TRPC1: variants seen among roughly 807,000 people sequenced by gnomAD.
TRPC1 encodes transient receptor potential cation channel subfamily C member 1, also known as short transient receptor potential channel 1.
A neutral mutation model predicts 88.2 loss-of-function variants in TRPC1; 42 were observed. The ratio of observed to expected loss-of-function variants is 0.48; its 90% CI spans 0.37 to 0.62. The LOEUF (loss-of-function observed/expected upper bound fraction) is 0.62, where lower values mean the gene tolerates loss of function less well. TRPC1 is among the 20% of genes least tolerant of loss of function. TRPC1 has a pLI of 0.00. For synonymous variants in TRPC1, 288 were observed against 331.8 expected (o/e 0.87, Z 1.43); for missense variants, 699 against 957.3 (o/e 0.73, Z 3.56).
chr3:142,734,114 G>C (rs1688366287), intron 1 of TRPC1, among the ~76,000 whole-genome samples: 1 of 152,268 alleles, frequency 6.6e-6, no homozygotes, highest in African/African-American at 2.4e-5. Context: ...GTGTTATTGT[G>C]GGCTCTGAAT....
At chr3:142,728,976 A>T (rs952894335) in intron 1 of TRPC1, among the ~76,000 whole-genome samples, 1 of 152,208 alleles carries the variant, frequency 6.6e-6, no homozygotes, top group African/African-American at 2.4e-5. Flanking sequence ...AGAGGTAAAG[A>T]GGGTATTGTA....
At chr3:142,761,986 T>A (rs555315169) in intron 4 of TRPC1, among the ~76,000 whole-genome samples, 100 of 152,266 alleles carry the variant, frequency 6.6e-4, no homozygotes, top group African/African-American at 2.3e-3. Flanking sequence ...TTGTTGATTT[T>A]GTTTATCTTT....
chr3:142,733,331 G>C (rs1934004299), intron 1 of TRPC1, among the ~76,000 whole-genome samples: 1 of 152,096 alleles, frequency 6.6e-6, no homozygotes, highest in Non-Finnish European at 1.5e-5. Context: ...AGCCAACATG[G>C]TGAAACCACA....
intron 3 of TRPC1, among the ~76,000 whole-genome samples, chr3:142,744,223 T>TA (rs1482839946): frequency 6.6e-6 from 1 of 152,134 alleles, no homozygotes; most frequent in African/African-American, 2.4e-5. Context: ...ATACTAATTT[T>TA]AAACTTACCA....
At chr3:142,729,235 A>G (rs1447127535) in intron 1 of TRPC1, among the ~76,000 whole-genome samples, 4 of 152,206 alleles carry the variant, frequency 2.6e-5, no homozygotes, top group African/African-American at 9.6e-5. Flanking sequence ...GATACTGGTA[A>G]TTCTTTATAG....
At chr3:142,745,421 A>G (rs910955025) in intron 3 of TRPC1, among the ~76,000 whole-genome samples, 1 of 152,130 alleles carries the variant, frequency 6.6e-6, no homozygotes, top group African/African-American at 2.4e-5. Context: ...AGGCGGGTGG[A>G]ACATCTGAGG....
At chr3:142,777,788 A>C (rs1935832803) in intron 5 of TRPC1, 25 bp downstream of exon 5, 1 of 1,592,574 alleles carries the variant, frequency 6.3e-7, no homozygotes, top group South Asian at 1.2e-5. Flanking sequence ...AAATTATATA[A>C]TGTATTTTGT....
At chr3:142,729,869 C>T (rs1174063906) in intron 1 of TRPC1, among the ~76,000 whole-genome samples, 1 of 152,006 alleles carries the variant, frequency 6.6e-6, no homozygotes, top group Non-Finnish European at 1.5e-5. Context: ...AAAAGAATTC[C>T]AGCACTGTAT....
intron 2 of TRPC1, among the ~76,000 whole-genome samples, chr3:142,739,303 A>T (rs1482168298): frequency 6.6e-6 from 1 of 152,084 alleles, no homozygotes; most frequent in Non-Finnish European, 1.5e-5. Context: ...CATTTTATAG[A>T]GGAGGAAACA....
intron 4 of TRPC1, among the ~76,000 whole-genome samples, chr3:142,774,650 C>T (rs991490710): frequency 1.3e-5 from 2 of 152,130 alleles, no homozygotes; most frequent in African/African-American, 2.4e-5. Flanking sequence ...CAACAATTCT[C>T]AATAAACAGT....
intron 4 of TRPC1, among the ~76,000 whole-genome samples, chr3:142,760,293 C>T (rs1487198419): frequency 6.6e-6 from 1 of 152,118 alleles, no homozygotes; most frequent in African/African-American, 2.4e-5. Flanking sequence ...TTTCATTCTT[C>T]CACATAGTTA....
intron 4 of TRPC1, among the ~76,000 whole-genome samples, chr3:142,764,185 C>A (rs555610038): frequency 6.6e-6 from 1 of 150,798 alleles, no homozygotes; most frequent in South Asian, 2.1e-4. Context: ...TAGTTGTCAA[C>A]TGATATATTT....
chr3:142,785,088 G>A, intron 7 of TRPC1, 48 bp downstream of exon 7: 1 of 1,469,652 alleles, frequency 6.8e-7, no homozygotes, highest in Non-Finnish European at 9.1e-7. Context: ...TTAGCCCACT[G>A]ATTCTTTCTT....
At chr3:142,749,464 T>C (rs952408087) in intron 4 of TRPC1, among the ~76,000 whole-genome samples, 7 of 152,200 alleles carry the variant, frequency 4.6e-5, no homozygotes, top group African/African-American at 1.4e-4. Flanking sequence ...TATTCATAGA[T>C]GACAGCTCCA....
At chr3:142,740,018 G>A (rs1322282625) in intron 2 of TRPC1, among the ~76,000 whole-genome samples, 3 of 152,184 alleles carry the variant, frequency 2.0e-5, no homozygotes, top group South Asian at 2.1e-4. Context: ...ATAGGAGTAC[G>A]AACCCTATTG....
At chr3:142,740,061 G>T (rs181837098) in intron 2 of TRPC1, among the ~76,000 whole-genome samples, 58 of 152,308 alleles carry the variant, frequency 3.8e-4, no homozygotes, top group Non-Finnish European at 6.3e-4. Flanking sequence ...TAGGTTGCAT[G>T]CTCCTTATGA....
At chr3:142,777,562 A>T (rs535552469) in intron 4 of TRPC1, 70 bp from the exon 5 acceptor site, 1 of 1,050,332 alleles carries the variant, frequency 9.5e-7, no homozygotes, top group East Asian at 3.1e-5. Flanking sequence ...ATTTATGAAA[A>T]TTATAGATTA....
chr3:142,748,587 C>T (rs1186751446), intron 4 of TRPC1, 127 bp downstream of exon 4: 3 of 865,326 alleles, frequency 3.5e-6, no homozygotes, highest in Non-Finnish European at 5.3e-6. Flanking sequence ...GAAAGCCAAA[C>T]TTGTAGCTCC....
Position 142,724,677 on chromosome 3 carries a change from G to T in TRPC1, c.118G>T (p.Val40Leu). The change falls in exon 1 of 13, where the codon GTG (valine) becomes TTG (leucine). Residue 40 changes from valine to leucine, a missense_variant. Transcript: ENST00000476941. This position sits in a 1 kb window ranked among gnomAD's most constrained non-coding sequence, Gnocchi z 5.6. ...EVMALKDVRE[V>L]KEENTLNEKL... The stretch of plus-strand genomic sequence containing the variant: ...GATGGCGCTGAAGGATGTGCGGGAG[G>T]TGAAGGAGGAGAATACGCTGAATGA... 2.5e-6 allele frequency: 4 copies of T among 1,611,216 alleles called. No homozygotes were observed. Among genetic ancestry groups the T allele is most frequent in the Non-Finnish European group, 3.4e-6 (4 of 1,178,302 alleles).
Sources: allele counts gnomAD v4.1 joint callset (sites outside exome capture counted in the v4.1 genomes callset), GRCh38; gene constraint gnomAD v4.1.1; non-coding constraint Gnocchi (gnomAD v3.1); transcripts MANE v1.5; gene names NCBI Gene and HGNC (gene_info 2026-07-23, HGNC 2026-07-21).